TRDN: variants seen among roughly 807,000 people sequenced by gnomAD.
TRDN encodes triadin, also known as triadin in skeletal muscle.
Under a neutral mutation model 149.7 loss-of-function variants are expected in TRDN, and 161 were observed. The ratio of observed to expected loss-of-function variants is 1.08; its 90% CI spans 0.95 to 1.23. The LOEUF is 1.23. TRDN is among the 50% of genes most tolerant of loss of function. The probability of loss-of-function intolerance (pLI) is 0.00; values close to 1 mark genes in which losing one functional copy is unlikely to be tolerated. For missense variants in TRDN, 896 were observed against 823.5 expected, an observed-to-expected ratio of 1.09 and a Z score of -1.08; for synonymous variants, 294 against 250.5, an observed-to-expected ratio of 1.17 and a Z score of -1.64.
intron 35 of TRDN, among the ~76,000 whole-genome samples, chr6:123,256,716 T>C (rs1163368897): frequency 6.6e-6 from 1 of 152,046 alleles, no homozygotes; most frequent in Admixed American, 6.6e-5. Flanking sequence ...TTCTGGATAT[T>C]ATCCCTTTGT....
At chr6:123,469,692 T>A (rs1777040979) in intron 9 of TRDN, 1 of 152,368 alleles carries the variant, frequency 6.6e-6, no homozygotes. Flanking sequence ...GATACAGCAG[T>A]GTGAAAGAGG....
At chr6:123,274,282 T>C (rs753452802) in intron 27 of TRDN, among the ~76,000 whole-genome samples, 1 of 152,078 alleles carries the variant, frequency 6.6e-6, no homozygotes, top group African/African-American at 2.4e-5. Flanking sequence ...ATAATTCTGG[T>C]ATATTACTGG....
intron 12 of TRDN, among the ~76,000 whole-genome samples, chr6:123,422,226 G>A (rs888343391): frequency 2.0e-5 from 3 of 152,024 alleles, no homozygotes; most frequent in African/African-American, 7.2e-5. Flanking sequence ...ACCAGTCGCT[G>A]GGACGTAACT....
At chr6:123,286,392 TG>T (rs1777805359) in intron 24 of TRDN, among the ~76,000 whole-genome samples, 1 of 152,142 alleles carries the variant, frequency 6.6e-6, no homozygotes, top group Non-Finnish European at 1.5e-5. Flanking sequence ...TGGATGGAAC[TG>T]GAGACTATTA....
chr6:123,421,805 CAAAAA>C (rs56022131), intron 12 of TRDN, among the ~76,000 whole-genome samples: 1 of 92,634 alleles, frequency 1.1e-5, no homozygotes, highest in East Asian at 3.5e-4. Context: ...CCTTTCTCTA[CAAAAA>C]AAAAAAAAAA....
intron 24 of TRDN, among the ~76,000 whole-genome samples, chr6:123,284,504 G>A (rs1777731530): frequency 6.6e-6 from 1 of 151,846 alleles, no homozygotes; most frequent in Admixed American, 6.6e-5. Context: ...TGGCATACAG[G>A]GGAAACCCCT....
intron 10 of TRDN, among the ~76,000 whole-genome samples, chr6:123,440,331 A>T (rs1263929746): frequency 6.6e-6 from 1 of 152,164 alleles, no homozygotes; most frequent in Non-Finnish European, 1.5e-5. Flanking sequence ...TCAAATTTTG[A>T]TAGTTTCAGA....
chr6:123,223,324 A>G (rs1220201102), intron 39 of TRDN, among the ~76,000 whole-genome samples: 1 of 151,802 alleles, frequency 6.6e-6, no homozygotes, highest in African/African-American at 2.4e-5. Flanking sequence ...ATCAGAAAAA[A>G]TAACTAATGG....
At chr6:123,439,457 T>C (rs1774757520) in intron 10 of TRDN, 2 of 152,424 alleles carry the variant, frequency 1.3e-5, no homozygotes, top group Admixed American at 6.5e-5. Flanking sequence ...AAAAGGTATC[T>C]TTTGATGTAG....
rs76252275 is a variant in TRDN, at chr6:123,328,510, C to T, written c.1471+3369G>A. Reference sequence around the variant, plus strand: ...TTGTTTCTTTTTTTCCTATGAATTGCGATTGTGTGATTCCTTCCTCTCGCA... The same window carrying T: ...TTGTTTCTTTTTTTCCTATGAATTGTGATTGTGTGATTCCTTCCTCTCGCA... On this transcript the variant is annotated intron_variant, in intron 23 of 40. Transcript: ENST00000334268. Among the ~76,000 whole-genome samples, 54 of 152,164 alleles carry T rather than the reference C, an allele frequency of 3.5e-4. No homozygotes were observed. In the East Asian group the frequency reaches 9.9e-3, roughly 28 times the overall value.
At chr6:123,325,230 A>C (rs1257583228) in intron 23 of TRDN, among the ~76,000 whole-genome samples, 1 of 152,136 alleles carries the variant, frequency 6.6e-6, no homozygotes, top group African/African-American at 2.4e-5. Context: ...AATCTTGGCT[A>C]ATCATTTAAT....
intron 10 of TRDN, among the ~76,000 whole-genome samples, chr6:123,458,652 T>C (rs1776270050): frequency 6.6e-6 from 1 of 152,196 alleles, no homozygotes; most frequent in Non-Finnish European, 1.5e-5. Flanking sequence ...TGTCTCCTAC[T>C]GGTTTTGTTT....
At chr6:123,520,423 C>A (rs1779615723) in intron 5 of TRDN, among the ~76,000 whole-genome samples, 1 of 152,108 alleles carries the variant, frequency 6.6e-6, no homozygotes, top group Non-Finnish European at 1.5e-5. Context: ...CAGGACTCTC[C>A]TTCAAAACTA....
chr6:123,426,550 A>G (rs1167682930), intron 12 of TRDN, among the ~76,000 whole-genome samples: 1 of 152,288 alleles, frequency 6.6e-6, no homozygotes, highest in East Asian at 1.9e-4. Context: ...CATTCCGCTG[A>G]TAGGCTTATA....
At chr6:123,539,461 A>G (rs1780716098) in intron 4 of TRDN, among the ~76,000 whole-genome samples, 1 of 152,222 alleles carries the variant, frequency 6.6e-6, no homozygotes, top group African/African-American at 2.4e-5. Context: ...ATAGCTAGAA[A>G]AGACCTGGAC....
At chr6:123,489,341 G>T (rs942293059) in intron 9 of TRDN, among the ~76,000 whole-genome samples, 1 of 151,846 alleles carries the variant, frequency 6.6e-6, no homozygotes, top group Non-Finnish European at 1.5e-5. Context: ...ACAAGTGAAG[G>T]ATTTAAATCT....
chr6:123,613,151 T>G (rs1046911633), intron 1 of TRDN, among the ~76,000 whole-genome samples: 4 of 152,188 alleles, frequency 2.6e-5, no homozygotes, highest in African/African-American at 9.7e-5. Flanking sequence ...GGAAATTTTA[T>G]GCATTGAACA....
intron 10 of TRDN, among the ~76,000 whole-genome samples, chr6:123,452,110 A>G (rs1775812436): frequency 2.0e-5 from 3 of 152,106 alleles, no homozygotes; most frequent in African/African-American, 2.4e-5. Flanking sequence ...ATGTAATAAA[A>G]GCTTTCCATG....
At chr6:123,584,908 G>C (rs1333372069) in intron 1 of TRDN, among the ~76,000 whole-genome samples, 1 of 152,156 alleles carries the variant, frequency 6.6e-6, no homozygotes, top group African/African-American at 2.4e-5. Flanking sequence ...AACTTGTAAG[G>C]CTTGTCTGGT....
Sources: gnomAD v4.1 joint callset for allele counts (sites outside exome capture counted in the v4.1 genomes callset) on GRCh38, gnomAD v4.1.1 for gene constraint, MANE v1.5 for transcripts, NCBI Gene and HGNC (gene_info 2026-07-23, HGNC 2026-07-21) for gene names.